PRR5L: variants seen among roughly 807,000 people sequenced by gnomAD.
The protein encoded by PRR5L is proline rich 5 like, also known as proline-rich protein 5-like.
In PRR5L, 21 loss-of-function variants were observed where a neutral mutation model predicts 36.4. The ratio of observed to expected loss-of-function variants is 0.58; its 90% CI spans 0.41 to 0.83. The LOEUF (loss-of-function observed/expected upper bound fraction) is 0.83, where lower values mean the gene tolerates loss of function less well. Among genes scored for constraint, PRR5L ranks in the 40% least tolerant of loss-of-function variants. PRR5L has a pLI of 0.00. For synonymous variants in PRR5L, 188 were observed against 197.0 expected (o/e 0.95, Z 0.38); for missense variants, 381 against 473.3 (o/e 0.80, Z 1.81).
At chr11:36,332,747 C>T (rs1856731821) in intron 1 of PRR5L, among the ~76,000 whole-genome samples, 1 of 152,092 alleles carries the variant, frequency 6.6e-6, no homozygotes, top group African/African-American at 2.4e-5. Flanking sequence ...AAGAGCCTGG[C>T]ACCTCCTCCT....
chr11:36,406,860 A>G (rs734903), intron 3 of PRR5L, among the ~76,000 whole-genome samples: 34,368 of 152,160 alleles, frequency 0.23, 5,476 homozygotes, highest in African/African-American at 0.46. Context: ...ATTTTTAACC[A>G]AAGAGAGCAG....
intron 1 of PRR5L, among the ~76,000 whole-genome samples, chr11:36,368,636 A>G (rs1857168631): frequency 6.6e-6 from 1 of 152,200 alleles, no homozygotes; most frequent in Non-Finnish European, 1.5e-5. Context: ...TCCAGAGTCT[A>G]CGTAATGTAT....
At chr11:36,458,688 G>A (rs555991408) in intron 8 of PRR5L, among the ~76,000 whole-genome samples, 14 of 152,322 alleles carry the variant, frequency 9.2e-5, no homozygotes, top group African/African-American at 2.6e-4. Context: ...GCTGACACAC[G>A]TGTCTAGGGC....
chr11:36,388,745 C>G (rs1431627655), intron 1 of PRR5L, among the ~76,000 whole-genome samples: 1 of 141,684 alleles, frequency 7.1e-6, no homozygotes, highest in Non-Finnish European at 1.5e-5. Flanking sequence ...GTCGCCCAGG[C>G]TGGAATGCAG....
intron 3 of PRR5L, among the ~76,000 whole-genome samples, chr11:36,410,671 C>T (rs936452745): frequency 6.6e-6 from 1 of 152,222 alleles, no homozygotes; most frequent in Non-Finnish European, 1.5e-5. Context: ...CTGCCACCCA[C>T]TAGGATGCCG....
intron 1 of PRR5L, among the ~76,000 whole-genome samples, chr11:36,319,034 C>T (rs1470909934): frequency 6.6e-6 from 1 of 152,076 alleles, no homozygotes; most frequent in African/African-American, 2.4e-5. Flanking sequence ...ACTTTTTTCT[C>T]TCCTGATTGG....
chr11:36,376,683 T>G, intron 1 of PRR5L: 1 of 990,192 alleles, frequency 1.0e-6, no homozygotes, highest in Non-Finnish European at 1.2e-6. Flanking sequence ...TCGGGGTGAT[T>G]CACGCCGGGG....
At chr11:36,452,435 T>C (rs1858964182) in intron 8 of PRR5L, among the ~76,000 whole-genome samples, 1 of 152,250 alleles carries the variant, frequency 6.6e-6, no homozygotes, top group Non-Finnish European at 1.5e-5. Context: ...ACCCTGCTCA[T>C]GTTTTTCTGG....
chr11:36,446,350 AGTCTTGCT>A lies in PRR5L; in HGVS notation c.497_504del (p.Val166GlufsTer6). The A allele has an allele frequency of 6.2e-7, 1 of 1,613,998 alleles. No homozygotes were observed. Among genetic ancestry groups the A allele is most frequent in the Non-Finnish European group, 8.5e-7 (1 of 1,180,016 alleles). ...TCTCCCTGCTGGGCTTCCGAGACCT[AGTCTTGCT>A]GAAGGTGAAGCTGGGTGACCTGCTG... On this transcript the variant is annotated frameshift_variant, in exon 7 of 9. Coordinates refer to ENST00000530639, the MANE Select transcript of PRR5L (RefSeq NM_001160167.2). LOFTEE classifies it high-confidence loss of function.
chr11:36,318,407 G>A (rs953459980), intron 1 of PRR5L, among the ~76,000 whole-genome samples: 4 of 152,044 alleles, frequency 2.6e-5, no homozygotes, highest in Non-Finnish European at 2.9e-5. Flanking sequence ...TACTAGTTGC[G>A]AACCATTGGA....
At chr11:36,321,399 G>A (rs1016635461) in intron 1 of PRR5L, 1 of 152,156 alleles carries the variant, frequency 6.6e-6, no homozygotes, top group Non-Finnish European at 1.5e-5. Flanking sequence ...TTTCAGAAAA[G>A]CAAGAAAGTT....
At chr11:36,440,888 A>G (rs1303289809) in intron 6 of PRR5L, among the ~76,000 whole-genome samples, 3 of 152,128 alleles carry the variant, frequency 2.0e-5, no homozygotes, top group African/African-American at 7.2e-5. Flanking sequence ...TTTTGAAACA[A>G]CTAGCTCTCT....
chr11:36,371,895 C>T (rs1164265209), intron 1 of PRR5L, among the ~76,000 whole-genome samples: 3 of 151,830 alleles, frequency 2.0e-5, no homozygotes, highest in African/African-American at 7.3e-5. Context: ...CCCGTCTCTA[C>T]TAAAAAAACA....
intron 7 of PRR5L, among the ~76,000 whole-genome samples, chr11:36,447,660 A>G (rs1339790518): frequency 6.6e-6 from 1 of 152,168 alleles, no homozygotes; most frequent in Non-Finnish European, 1.5e-5. Flanking sequence ...AATGTCAGGC[A>G]TTGGGGCCCC....
chr11:36,356,571 C>T (rs559205934), intron 1 of PRR5L, among the ~76,000 whole-genome samples: 1 of 152,128 alleles, frequency 6.6e-6, no homozygotes, highest in Non-Finnish European at 1.5e-5. Flanking sequence ...TTTCCAACAG[C>T]GTGTGCTCAC....
intron 6 of PRR5L, among the ~76,000 whole-genome samples, chr11:36,438,392 A>G (rs2030751770): frequency 6.6e-6 from 1 of 152,228 alleles, no homozygotes; most frequent in African/African-American, 2.4e-5. Context: ...CTTATACCAC[A>G]TAGATTGTTT....
chr11:36,329,629 A>G (rs1010826641), intron 1 of PRR5L, among the ~76,000 whole-genome samples: 36 of 152,346 alleles, frequency 2.4e-4, no homozygotes, highest in African/African-American at 8.2e-4. Context: ...ATTTATTTGC[A>G]TAAGTGCAGC....
At chr11:36,367,976 G>C (rs1706383384) in intron 1 of PRR5L, among the ~76,000 whole-genome samples, 1 of 151,926 alleles carries the variant, frequency 6.6e-6, no homozygotes, top group African/African-American at 2.4e-5. Flanking sequence ...GGGAGCCAAA[G>C]TACTAGAGAG....
At chr11:36,426,016 T>G (rs1330133818) in intron 4 of PRR5L, 1 of 152,232 alleles carries the variant, frequency 6.6e-6, no homozygotes, top group Non-Finnish European at 1.5e-5. Flanking sequence ...TGGAATCCAC[T>G]CGAGTGCCAG....
Sources: allele counts gnomAD v4.1 joint callset (sites outside exome capture counted in the v4.1 genomes callset), GRCh38; gene constraint gnomAD v4.1.1; transcripts MANE v1.5; gene names NCBI Gene and HGNC (gene_info 2026-07-23, HGNC 2026-07-21).